Variants in ZMYM2 observed in about 807,000 individuals in gnomAD.
ZMYM2 encodes zinc finger MYM-type protein 2.
A neutral mutation model predicts 162.8 loss-of-function variants in ZMYM2; 56 were observed. That is an observed-to-expected ratio of 0.34 (90% CI 0.28 to 0.43). The LOEUF is 0.43. ZMYM2 is among the 20% of genes least tolerant of loss of function. The pLI is 1.00. For synonymous variants in ZMYM2, 510 were observed against 541.6 expected (o/e 0.94, Z 0.81); for missense variants, 1,275 against 1,621.8 (o/e 0.79, Z 3.67).
intron 9 of ZMYM2, among the ~76,000 whole-genome samples, chr13:20,030,589 G>T (rs890612516): frequency 3.9e-5 from 6 of 152,038 alleles, no homozygotes; most frequent in Non-Finnish European, 4.4e-5. Context: ...TAGTAGAGAC[G>T]GGGTTTTACC....
intron 21 of ZMYM2, among the ~76,000 whole-genome samples, chr13:20,075,669 C>CTTTTTTTTTTTTTTTTTTTTT: frequency 9.1e-6 from 1 of 109,326 alleles, no homozygotes; most frequent in Non-Finnish European, 1.7e-5. Context: ...ACTATAGACA[C>CTTTTTTTTTTTTTTTTTTTTT]CTTTTTTTTT....
upstream of ZMYM2, among the ~76,000 whole-genome samples, chr13:19,954,191 C>CGG (rs1954473304): frequency 7.9e-6 from 1 of 126,916 alleles, no homozygotes; most frequent in Non-Finnish European, 1.6e-5. Flanking sequence ...TGCGGTGGCA[C>CGG]AATCTCGGCT....
At chr13:19,918,644 G>A in the ZMYM2 span, among the ~76,000 whole-genome samples, 2 of 151,048 alleles carry the variant, frequency 1.3e-5, no homozygotes, top group East Asian at 4.0e-4. Context: ...GATTACAGGC[G>A]CCTGCCACCA....
chr13:19,918,839 G>A, the ZMYM2 span, among the ~76,000 whole-genome samples: 3 of 152,062 alleles, frequency 2.0e-5, no homozygotes, highest in Non-Finnish European at 2.9e-5. Flanking sequence ...ACTAAAGGAG[G>A]CATTTTTTTC....
chr13:19,945,903 C>T, the ZMYM2 span, among the ~76,000 whole-genome samples: 15 of 133,014 alleles, frequency 1.1e-4, no homozygotes, highest in African/African-American at 4.4e-4. Flanking sequence ...GAGCCAAGAT[C>T]GTGCCATTGC....
intron 9 of ZMYM2, among the ~76,000 whole-genome samples, chr13:20,030,541 G>A (rs1392298665): frequency 6.6e-6 from 1 of 152,064 alleles, no homozygotes; most frequent in Admixed American, 6.6e-5. Flanking sequence ...TGGTACTACA[G>A]GCACCTGCCA....
chr13:19,984,102 A>T (rs1948952080), intron 2 of ZMYM2, among the ~76,000 whole-genome samples: 3 of 152,240 alleles, frequency 2.0e-5, no homozygotes. Flanking sequence ...ATAAGGGAGA[A>T]GATGATGAAT....
chr13:19,980,023 T>C (rs967359919), intron 2 of ZMYM2, among the ~76,000 whole-genome samples: 3 of 152,186 alleles, frequency 2.0e-5, no homozygotes, highest in Non-Finnish European at 4.4e-5. Flanking sequence ...GTTTTTTTTA[T>C]GTCAGATTTA....
the ZMYM2 span, among the ~76,000 whole-genome samples, chr13:19,900,923 T>TG: frequency 6.6e-6 from 1 of 152,112 alleles, no homozygotes; most frequent in African/African-American, 2.4e-5. Context: ...TCCCAGCTAC[T>TG]CGTGAGGCTG....
the ZMYM2 span, among the ~76,000 whole-genome samples, chr13:19,940,416 C>T: frequency 9.9e-5 from 15 of 152,196 alleles, no homozygotes; most frequent in Admixed American, 9.2e-4. Context: ...AAAATCACTA[C>T]ATTTTCCCCA....
intron 7 of ZMYM2, among the ~76,000 whole-genome samples, chr13:20,022,911 A>T (rs923440112): frequency 6.6e-6 from 1 of 152,206 alleles, no homozygotes; most frequent in Non-Finnish European, 1.5e-5. Context: ...TAAAATACCT[A>T]TGATTACAAA....
chr13:20,037,037 A>G (rs1953769877), intron 12 of ZMYM2, 128 bp downstream of exon 12: 3 of 761,128 alleles, frequency 3.9e-6, no homozygotes, highest in Admixed American at 4.1e-5. Context: ...CCCTGATAAT[A>G]CTATTCATTA....
chr13:19,885,875 A>ATGTACACACATATATGTG, the ZMYM2 span, among the ~76,000 whole-genome samples: 6 of 32,132 alleles, frequency 1.9e-4, no homozygotes, highest in Admixed American at 2.5e-3. Flanking sequence ...ATATATATGT[A>ATGTACACACATATATGTG]TATACACATA....
chr13:19,910,287 T>A, the ZMYM2 span, among the ~76,000 whole-genome samples: 1 of 152,130 alleles, frequency 6.6e-6, no homozygotes, highest in South Asian at 2.1e-4. Flanking sequence ...GCAGAGATTC[T>A]GCATTTAGTG....
At position 20,052,287 on chromosome 13, in the gene ZMYM2, TC is replaced by T; in HGVS notation, c.2470del (p.Gln824ArgfsTer7). 6.4e-7 allele frequency: 1 copy of T among 1,568,652 alleles called. No homozygotes were observed. Among genetic ancestry groups the T allele is most frequent in the South Asian group, 1.2e-5 (1 of 84,204 alleles). ...PENLHYDQGC[Q>X]TSRTKMTGSA... ...TTTTGTGTTTTTTAGATCAGGGTTG[TC>T]AGACATCTCGAACCAAAATGACAGT... On this transcript the variant is annotated frameshift_variant, in exon 14 of 25. Transcript: ENST00000610343. LOFTEE classifies it high-confidence loss of function.
chr13:19,926,125 T>A, the ZMYM2 span, among the ~76,000 whole-genome samples: 1 of 151,340 alleles, frequency 6.6e-6, no homozygotes. Context: ...CAAGCCTGGC[T>A]AATTTTTTTA....
At chr13:20,046,686 T>G (rs1473447329) in intron 12 of ZMYM2, among the ~76,000 whole-genome samples, 1 of 150,886 alleles carries the variant, frequency 6.6e-6, no homozygotes, top group African/African-American at 2.4e-5. Flanking sequence ...TATATATGTA[T>G]ATATGTGTGT....
intron 3 of ZMYM2, among the ~76,000 whole-genome samples, chr13:20,001,162 C>T (rs1950359025): frequency 6.6e-6 from 1 of 152,106 alleles, no homozygotes; most frequent in Non-Finnish European, 1.5e-5. Context: ...GTGACTGAGG[C>T]AAATGGATCG....
chr13:19,896,484 T>C, the ZMYM2 span, among the ~76,000 whole-genome samples: 1 of 148,520 alleles, frequency 6.7e-6, no homozygotes, highest in Non-Finnish European at 1.5e-5. Context: ...TGGCTGAGCG[T>C]GGTGGCTCAC....
Sources: gnomAD v4.1 joint callset for allele counts (sites outside exome capture counted in the v4.1 genomes callset) on GRCh38, gnomAD v4.1.1 for gene constraint, MANE v1.5 for transcripts, NCBI Gene and HGNC (gene_info 2026-07-23, HGNC 2026-07-21) for gene names.